PKNOX1: variants seen among roughly 807,000 people sequenced by gnomAD.
PKNOX1 encodes homeobox protein PKNOX1.
A neutral mutation model predicts 51.9 loss-of-function variants in PKNOX1; 15 were observed. The observed-to-expected ratio is 0.29, with a 90% confidence interval of 0.19 to 0.45. The LOEUF is 0.45. Ranked by LOEUF, PKNOX1 falls within the 20% of genes least tolerant of loss-of-function variation. PKNOX1 has a pLI of 1.00. For missense variants in PKNOX1, 462 were observed against 547.5 expected, an observed-to-expected ratio of 0.84 and a Z score of 1.56; for synonymous variants, 219 against 211.1, an observed-to-expected ratio of 1.04 and a Z score of -0.32.
chr21:42,993,260 G>A (rs1203357627), intron 1 of PKNOX1, among the ~76,000 whole-genome samples: 2 of 152,094 alleles, frequency 1.3e-5, no homozygotes, highest in African/African-American at 4.8e-5. Context: ...CTCCCCTCAC[G>A]AAGCTCCATT....
At chr21:42,996,390 T>C (rs1978506622) in intron 1 of PKNOX1, among the ~76,000 whole-genome samples, 1 of 152,094 alleles carries the variant, frequency 6.6e-6, no homozygotes. Flanking sequence ...AGGATTCTTG[T>C]GGAAGGCCGC....
intron 3 of PKNOX1, 99 bp from the exon 4 acceptor site, chr21:43,009,954 C>T (rs921436419): frequency 2.4e-4 from 156 of 649,754 alleles, no homozygotes; most frequent in Middle Eastern, 1.9e-3. Context: ...GCATTTTCAC[C>T]CAACAGAGGT....
chr21:43,015,243 A>T (rs1191497861), intron 5 of PKNOX1, among the ~76,000 whole-genome samples: 1 of 152,242 alleles, frequency 6.6e-6, no homozygotes, highest in East Asian at 1.9e-4. Context: ...GATGCTCTTT[A>T]TCAAGTTAAG....
intron 5 of PKNOX1, among the ~76,000 whole-genome samples, chr21:43,014,817 G>T (rs1293308581): frequency 6.6e-6 from 1 of 152,208 alleles, no homozygotes; most frequent in Non-Finnish European, 1.5e-5. Flanking sequence ...CCCACCCTGT[G>T]ATTCCTTTTC....
At chr21:42,979,781 G>T (rs763575614) in intron 1 of PKNOX1, among the ~76,000 whole-genome samples, 2 of 152,040 alleles carry the variant, frequency 1.3e-5, no homozygotes, top group Non-Finnish European at 2.9e-5. Flanking sequence ...CTTATAGTCT[G>T]TTGAATCTAA....
intron 1 of PKNOX1, among the ~76,000 whole-genome samples, chr21:42,979,009 C>G (rs2059012598): frequency 6.6e-6 from 1 of 152,200 alleles, no homozygotes; most frequent in East Asian, 1.9e-4. Flanking sequence ...AAGTGGTTCT[C>G]CCACCTCAGC....
chr21:42,982,958 C>T (rs1232802102), intron 1 of PKNOX1, among the ~76,000 whole-genome samples: 7 of 151,662 alleles, frequency 4.6e-5, no homozygotes, highest in Non-Finnish European at 1.0e-4. Flanking sequence ...TACAGGTGCC[C>T]ACCACCACGC....
Position 43,003,719 on chromosome 21 carries a change from C to T in PKNOX1, c.-56-607C>T, listed in dbSNP as rs551036734. Among the ~76,000 whole-genome samples the T allele has an allele frequency of 3.9e-5, 6 of 152,280 alleles. No individual in the cohort carries two copies. In the South Asian group the frequency reaches 8.3e-4, roughly 21 times the overall value. On this transcript the variant is annotated intron_variant, in intron 1 of 10. Coordinates refer to ENST00000291547, the MANE Select transcript of PKNOX1 (RefSeq NM_004571.5). ...AGGCCCTGCCTGTCCTGCTCACTGC[C>T]GCACCCCAGGCCCAGCATGCTGCCT...
At chr21:43,017,068 G>T (rs1460777439) in intron 6 of PKNOX1, 61 bp downstream of exon 6, 2 of 1,066,210 alleles carry the variant, frequency 1.9e-6, no homozygotes, top group Admixed American at 3.5e-5. Flanking sequence ...GGTCCTGTGT[G>T]TTAGAATGAC....
intron 1 of PKNOX1, among the ~76,000 whole-genome samples, chr21:42,987,682 G>A (rs1246447932): frequency 3.4e-5 from 5 of 145,902 alleles, no homozygotes; most frequent in African/African-American, 5.1e-5. Flanking sequence ...GCAGTGGCGC[G>A]ATCTCGGCTC....
intron 1 of PKNOX1, among the ~76,000 whole-genome samples, chr21:42,988,428 T>C (rs187886946): frequency 2.0e-5 from 3 of 152,234 alleles, no homozygotes; most frequent in East Asian, 3.9e-4. Context: ...TTGGGAGATA[T>C]GAAAAACACA....
At position 43,032,340 on chromosome 21, in the gene PKNOX1, G is replaced by A; in HGVS notation, c.*2239G>A. ...TCCCTCACCACCCTCCGTCTCTTCGGCTGCTTGCTCTTTAGTGTAGATTAG... is the reference window on the plus strand; with the variant it reads ...TCCCTCACCACCCTCCGTCTCTTCGACTGCTTGCTCTTTAGTGTAGATTAG... On this transcript the variant is annotated 3_prime_UTR_variant, in exon 11 of 11. Coordinates refer to ENST00000291547, the MANE Select transcript of PKNOX1 (RefSeq NM_004571.5). The A allele has an allele frequency of 3.0e-6, 1 of 335,488 alleles. No homozygotes were observed. The highest frequency in any genetic ancestry group is 6.2e-6 in the Non-Finnish European group (1 of 162,032). 20.8% of individuals were successfully genotyped at this position (335,488 alleles called of 1,614,324 possible).
chr21:43,003,552 C>A lies in PKNOX1; in HGVS notation c.-56-774C>A, dbSNP rs234769. On this transcript the variant is annotated intron_variant, in intron 1 of 10. Transcript: ENST00000291547. ...TCTCAGCCTGTCTCTCCAGTCTCGACGTAACAGCATCTTCCCAGCGAGGCC... is the reference window on the plus strand; with the variant it reads ...TCTCAGCCTGTCTCTCCAGTCTCGAAGTAACAGCATCTTCCCAGCGAGGCC... Among the ~76,000 whole-genome samples the A allele has an allele frequency of 5.3e-5, 8 of 152,018 alleles. No homozygotes were observed. In the South Asian group the frequency reaches 6.2e-4, roughly 12 times the overall value.
At chr21:43,029,424 G>GTTTCTTTTTTTTTTTT (rs1980134805) in intron 10 of PKNOX1, among the ~76,000 whole-genome samples, 2 of 63,304 alleles carry the variant, frequency 3.2e-5, no homozygotes, top group Non-Finnish European at 5.8e-5. Flanking sequence ...TGTTTGCTTT[G>GTTTCTTTTTTTTTTTT]TTTTTTTTTT....
chr21:42,988,344 C>T (rs982241248), intron 1 of PKNOX1, among the ~76,000 whole-genome samples: 3 of 152,176 alleles, frequency 2.0e-5, no homozygotes, highest in Middle Eastern at 3.2e-3. Context: ...CCACTGTGCC[C>T]GGCCAGCCCT....
At chr21:42,986,225 G>A (rs1278892056) in intron 1 of PKNOX1, among the ~76,000 whole-genome samples, 1 of 152,056 alleles carries the variant, frequency 6.6e-6, no homozygotes, top group Non-Finnish European at 1.5e-5. Context: ...AGTGATGGCT[G>A]GGCGCAGTGG....
intron 1 of PKNOX1, among the ~76,000 whole-genome samples, chr21:42,998,918 A>G (rs1978624202): frequency 6.6e-6 from 1 of 152,124 alleles, no homozygotes; most frequent in African/African-American, 2.4e-5. Context: ...TGGGGTCTGG[A>G]GGACAGTGGC....
Position 43,012,742 on chromosome 21 carries a change from G to A in PKNOX1, c.352-326G>A, listed in dbSNP as rs73370279. 2.6e-5 allele frequency among the ~76,000 whole-genome samples: 4 copies of A among 152,296 alleles called. No individual in the cohort carries two copies. In the South Asian group the frequency reaches 8.3e-4, roughly 32 times the overall value. On this transcript the variant is annotated intron_variant, in intron 4 of 10. Transcript: ENST00000291547. ...GATGTAGAAACAGGAGTAGATGAGG[G>A]TGAGTCACTTGTCCTGCCTGCCACA...
At chr21:43,011,172 A>G (rs1324234577) in intron 4 of PKNOX1, among the ~76,000 whole-genome samples, 1 of 147,560 alleles carries the variant, frequency 6.8e-6, no homozygotes, top group African/African-American at 2.5e-5. Context: ...GGTTCAAGCC[A>G]TTCTCCTGCC....
Sources: allele counts gnomAD v4.1 joint callset (sites outside exome capture counted in the v4.1 genomes callset), GRCh38; gene constraint gnomAD v4.1.1; transcripts MANE v1.5; gene names NCBI Gene and HGNC (gene_info 2026-07-23, HGNC 2026-07-21).